The following ZNF430 variants were observed in gnomAD, a reference collection of about 807,000 sequenced individuals.
ZNF430 encodes the protein zinc finger protein 430.
In ZNF430, 35 loss-of-function variants were observed where a neutral mutation model predicts 56.7. That is an observed-to-expected ratio of 0.62 (90% CI 0.47 to 0.82). The LOEUF (loss-of-function observed/expected upper bound fraction) is 0.82, where lower values mean the gene tolerates loss of function less well. Among genes scored for constraint, ZNF430 ranks in the 40% least tolerant of loss-of-function variants. The probability of loss-of-function intolerance (pLI) is 0.00; values close to 1 mark genes in which losing one functional copy is unlikely to be tolerated. For synonymous variants in ZNF430, 212 were observed against 224.3 expected (o/e 0.94, Z 0.49); for missense variants, 574 against 661.0 (o/e 0.87, Z 1.44).
At chr19:21,043,775 A>G (rs1334609393) in intron 4 of ZNF430, among the ~76,000 whole-genome samples, 1 of 151,730 alleles carries the variant, frequency 6.6e-6, no homozygotes, top group Non-Finnish European at 1.5e-5. Flanking sequence ...TTTCTTGAGC[A>G]GTGGTTTGTG....
chr19:21,022,117 C>G (rs1235704695), intron 1 of ZNF430, among the ~76,000 whole-genome samples: 1 of 152,096 alleles, frequency 6.6e-6, no homozygotes, highest in African/African-American at 2.4e-5. Context: ...GGATTACAGG[C>G]GTGAGCTATC....
At chr19:21,042,743 G>A (rs948003917) in intron 4 of ZNF430, among the ~76,000 whole-genome samples, 18 of 151,480 alleles carry the variant, frequency 1.2e-4, no homozygotes, top group Admixed American at 9.2e-4. Flanking sequence ...AGCCGAGATC[G>A]CGCCACTGCA....
chr19:21,043,476 A>G (rs1489299482), intron 4 of ZNF430, among the ~76,000 whole-genome samples: 2 of 151,056 alleles, frequency 1.3e-5, no homozygotes, highest in South Asian at 2.1e-4. Flanking sequence ...TCATTGGTCT[A>G]TGTGTATGTT....
At chr19:21,031,919 C>A (rs1967908777) in intron 2 of ZNF430, among the ~76,000 whole-genome samples, 1 of 152,178 alleles carries the variant, frequency 6.6e-6, no homozygotes, top group African/African-American at 2.4e-5. Flanking sequence ...GTCTGCAAAA[C>A]ATTTCTTTAC....
intron 2 of ZNF430, among the ~76,000 whole-genome samples, chr19:21,028,504 C>T (rs1967844122): frequency 1.3e-5 from 2 of 152,150 alleles, no homozygotes; most frequent in South Asian, 4.1e-4. Flanking sequence ...ATCTCTCCAG[C>T]CTGGATTATC....
chr19:21,052,591 G>C (rs1169309413), intron 4 of ZNF430, among the ~76,000 whole-genome samples: 2 of 152,064 alleles, frequency 1.3e-5, no homozygotes, highest in Non-Finnish European at 2.9e-5. Context: ...TTGCAGTTTT[G>C]ACCTAAAGTA....
intron 4 of ZNF430, among the ~76,000 whole-genome samples, chr19:21,041,838 C>G (rs1374826092): frequency 1.3e-5 from 2 of 152,142 alleles, no homozygotes; most frequent in Non-Finnish European, 2.9e-5. Flanking sequence ...CTCAGCCTCC[C>G]AAGTAGCTGG....
At chr19:21,051,617 T>G (rs1599506886) in intron 4 of ZNF430, among the ~76,000 whole-genome samples, 1 of 152,110 alleles carries the variant, frequency 6.6e-6, no homozygotes, top group African/African-American at 2.4e-5. Context: ...CCTCAGCCTC[T>G]TGAGCAGCTG....
chr19:21,037,952 T>A (rs139280123), intron 4 of ZNF430, among the ~76,000 whole-genome samples: 116 of 152,304 alleles, frequency 7.6e-4, no homozygotes, highest in Non-Finnish European at 8.8e-5. Flanking sequence ...TTTTATATAT[T>A]CTGAATATTA....
Position 21,057,461 on chromosome 19 carries a change from T to G in ZNF430, c.1153T>G (p.Phe385Val). ...AGAATGTGGCAAAGCTTTTTACCGA[T>G]TCTCATACCTTACTAAACATAAGAT... ...CEECGKAFYR[F>V]SYLTKHKIIH... The change falls in exon 5 of 5, where the codon TTC becomes GTC. Residue 385 changes from phenylalanine to valine, a missense_variant. Around this residue, in one of 3 missense-constraint regions of ZNF430, gnomAD observed 213 missense variants for 221.0 expected, o/e 0.96. Coordinates refer to ENST00000261560, the MANE Select transcript of ZNF430 (RefSeq NM_025189.4). 6.2e-7 allele frequency: 1 copy of G among 1,613,760 alleles called. No individual in the cohort carries two copies. Among genetic ancestry groups the G allele is most frequent in the Non-Finnish European group, 8.5e-7 (1 of 1,179,964 alleles).
intron 2 of ZNF430, among the ~76,000 whole-genome samples, chr19:21,031,426 G>C (rs558319237): frequency 6.6e-6 from 1 of 152,244 alleles, no homozygotes; most frequent in East Asian, 1.9e-4. Context: ...GGTAGGGACA[G>C]GGGAGTGTGG....
chr19:21,050,773 A>G (rs1044931600), intron 4 of ZNF430, among the ~76,000 whole-genome samples: 3 of 152,172 alleles, frequency 2.0e-5, no homozygotes, highest in Admixed American at 2.0e-4. Flanking sequence ...CATGCCTGTA[A>G]TCCCAGCTCT....
chr19:21,040,525 A>G (rs1186521727), intron 4 of ZNF430, among the ~76,000 whole-genome samples: 1 of 152,190 alleles, frequency 6.6e-6, no homozygotes, highest in Non-Finnish European at 1.5e-5. Flanking sequence ...TTCCACTAAG[A>G]TTATAAGTTT....
intron 4 of ZNF430, among the ~76,000 whole-genome samples, chr19:21,040,319 G>A (rs547417037): frequency 1.1e-4 from 16 of 152,324 alleles, no homozygotes; most frequent in African/African-American, 3.4e-4. Context: ...AATACACAAT[G>A]TTGGATGTGG....
At chr19:21,022,344 C>A (rs1473980871) in intron 1 of ZNF430, among the ~76,000 whole-genome samples, 2 of 152,166 alleles carry the variant, frequency 1.3e-5, no homozygotes, top group Non-Finnish European at 2.9e-5. Context: ...ATTTCCAGTT[C>A]TTTCTGGCGT....
At chr19:21,039,246 G>A (rs1968059037) in intron 4 of ZNF430, among the ~76,000 whole-genome samples, 1 of 151,912 alleles carries the variant, frequency 6.6e-6, no homozygotes, top group Non-Finnish European at 1.5e-5. Context: ...ACCATGCTTG[G>A]CCTTATTTTT....
chr19:21,039,343 C>G (rs1209450545), intron 4 of ZNF430, among the ~76,000 whole-genome samples: 1 of 149,288 alleles, frequency 6.7e-6, no homozygotes, highest in Admixed American at 6.7e-5. Flanking sequence ...AATTTTCTTG[C>G]CTTGGCCTCT....
chr19:21,056,487 T>TAA lies in ZNF430; in HGVS notation c.323-130_323-129dup, dbSNP rs78527457. The TAA allele has an allele frequency of 9.0e-3, 4,158 of 463,658 alleles. 1 individual carries two copies. The highest frequency in any genetic ancestry group is 0.011 in the Non-Finnish European group (3,032 of 288,336). The allele number at this position is 463,658 out of a possible 1,614,324, so 28.7% of individuals were successfully genotyped here. On this transcript the variant is annotated intron_variant, in intron 4 of 4. Transcript: ENST00000261560. The stretch of plus-strand genomic sequence containing the variant: ...CTGGGCTACAGAATGAGACTCTGTC[T>TAA]AAAAAAAAAAAAAAATTAGGGCCTT...
intron 4 of ZNF430, among the ~76,000 whole-genome samples, chr19:21,055,442 T>G (rs5827493): frequency 0.13 from 19,253 of 151,734 alleles, 2,728 homozygotes; most frequent in African/African-American, 0.36. Context: ...TAGTTTTTTT[T>G]TTTGTTTGTT....
Sources: gnomAD v4.1 joint callset for allele counts (sites outside exome capture counted in the v4.1 genomes callset) on GRCh38, gnomAD v4.1.1 for gene constraint, gnomAD v4.1.1 regional missense constraint, MANE v1.5 for transcripts, NCBI Gene and HGNC (gene_info 2026-07-23, HGNC 2026-07-21) for gene names.